The following ANXA6 variants were observed in gnomAD, a reference collection of about 807,000 sequenced individuals.
ANXA6 encodes annexin A6, also known as 67 kDa calelectrin.
ANXA6 carries 71 observed loss-of-function variants against 95.4 expected under a neutral mutation model. That is an observed-to-expected ratio of 0.74 (90% CI 0.61 to 0.91). The LOEUF is 0.91. Among genes scored for constraint, ANXA6 ranks in the 40% least tolerant of loss-of-function variants. ANXA6 has a pLI of 0.00. For synonymous variants in ANXA6, 289 were observed against 315.9 expected, an observed-to-expected ratio of 0.91 and a Z score of 0.90; for missense variants, 830 against 876.4, an observed-to-expected ratio of 0.95 and a Z score of 0.67.
At chr5:151,110,048 C>G (rs2303020) in intron 21 of ANXA6, among the ~76,000 whole-genome samples, 74,014 of 152,014 alleles carry the variant, frequency 0.49, 18,105 homozygotes, top group East Asian at 0.59. Flanking sequence ...CACAAGGACC[C>G]TGTGAACTGA....
intron 4 of ANXA6, 68 bp from the exon 5 acceptor site, chr5:151,138,859 C>T: frequency 9.1e-7 from 1 of 1,095,796 alleles, no homozygotes; most frequent in South Asian, 1.3e-5. Context: ...GTAAGAATTA[C>T]ACTTAATGAG....
intron 11 of ANXA6, among the ~76,000 whole-genome samples, chr5:151,130,491 G>A (rs954139488): frequency 2.4e-4 from 37 of 152,224 alleles, no homozygotes; most frequent in Non-Finnish European, 2.9e-4. Context: ...TGGGCCTCAA[G>A]TGATCCTCCC....
chr5:151,153,061 T>G (rs542839233), intron 1 of ANXA6, among the ~76,000 whole-genome samples: 31 of 152,272 alleles, frequency 2.0e-4, no homozygotes, highest in African/African-American at 7.0e-4. Context: ...AGCACTCCTC[T>G]GCTCACAAGT....
intron 20 of ANXA6, among the ~76,000 whole-genome samples, chr5:151,116,289 C>T (rs1561569362): frequency 6.6e-6 from 1 of 152,126 alleles, no homozygotes; most frequent in East Asian, 1.9e-4. Context: ...TGTCTGTGCC[C>T]CACATCCCTG....
At chr5:151,141,560 T>C (rs1039211506) in intron 2 of ANXA6, 1 of 985,266 alleles carries the variant, frequency 1.0e-6, no homozygotes, top group African/African-American at 1.7e-5. Context: ...TGGAGCAGAG[T>C]GAGTCCTGGA....
intron 2 of ANXA6, among the ~76,000 whole-genome samples, chr5:151,143,224 C>T (rs1278939562): frequency 6.6e-6 from 1 of 152,118 alleles, no homozygotes; most frequent in East Asian, 1.9e-4. Flanking sequence ...TCTCTCCCTT[C>T]CCCTCAGATT....
At chr5:151,110,943 G>A (rs893336183) in intron 20 of ANXA6, among the ~76,000 whole-genome samples, 8 of 152,124 alleles carry the variant, frequency 5.3e-5, no homozygotes, top group Non-Finnish European at 1.0e-4. Context: ...TCTGCCCTTC[G>A]CACCCCAAAA....
In ANXA6 at chr5:151,127,059, A is replaced by C. The variant is rs541226345; in HGVS notation, c.978-579T>G. Among the ~76,000 whole-genome samples, 13 of 152,324 alleles carry C rather than the reference A, an allele frequency of 8.5e-5. No homozygotes were observed. The South Asian group carries it at 1.7e-3, about 19-fold the overall frequency. ...GGCAGCCTTCCTGGCTGCAGAGTCCAAGCAGGATAGGATTTTTCCAATCCT... is the reference window on the plus strand; with the variant it reads ...GGCAGCCTTCCTGGCTGCAGAGTCCCAGCAGGATAGGATTTTTCCAATCCT... On this transcript the variant is annotated intron_variant, in intron 13 of 25. Transcript: ENST00000354546.
At chr5:151,104,733 G>C (rs1764647089) in intron 24 of ANXA6, among the ~76,000 whole-genome samples, 1 of 152,186 alleles carries the variant, frequency 6.6e-6, no homozygotes, top group Non-Finnish European at 1.5e-5. Flanking sequence ...GGCTCTCCCA[G>C]AAGGGCAGGA....
In ANXA6 at chr5:151,124,305, C is replaced by T. The variant is rs541923572; in HGVS notation, c.1119G>A (p.Arg373=). Residue 373 remains arginine (R), a synonymous_variant, in exon 15 of 26, where the codon CGG becomes CGA. Coordinates refer to ENST00000354546, the MANE Select transcript of ANXA6 (RefSeq NM_001155.5). ...FNPDADAKAL[R]KAMKGLGTDE... Reference sequence around the variant, plus strand: ...CCATACCGAGTCCCTTCATGGCTTTCCGCAGCGCTTTGGCATCTGCGTCAG... The same window carrying T: ...CCATACCGAGTCCCTTCATGGCTTTTCGCAGCGCTTTGGCATCTGCGTCAG... 6.2e-7 allele frequency: 1 copy of T among 1,613,656 alleles called. No homozygotes were observed. Among genetic ancestry groups the T allele is most frequent in the East Asian group, 2.2e-5 (1 of 44,860 alleles).
At chr5:151,151,845 C>T (rs1766115632) in intron 1 of ANXA6, among the ~76,000 whole-genome samples, 1 of 152,228 alleles carries the variant, frequency 6.6e-6, no homozygotes, top group African/African-American at 2.4e-5. Context: ...TGCCTCTTTC[C>T]TCCCAGGAAC....
At position 151,133,206 on chromosome 5, in the gene ANXA6, C is replaced by T. The variant is rs770341088; in HGVS notation, c.547-19G>A. The T allele has an allele frequency of 3.1e-5, 48 of 1,546,008 alleles. 2 individuals carry two copies. The South Asian group carries it at 4.7e-4, about 15-fold the overall frequency. Reference sequence around the variant, plus strand: ...ATAGGTCCTGAAGGGGAAGAGGTGGCACTTGACTGAAAGAGGAAACCTCAG... The same window carrying T: ...ATAGGTCCTGAAGGGGAAGAGGTGGTACTTGACTGAAAGAGGAAACCTCAG... On this transcript the variant is annotated intron_variant, in intron 8 of 25. Coordinates refer to ENST00000354546, the MANE Select transcript of ANXA6 (RefSeq NM_001155.5).
intron 21 of ANXA6, 118 bp downstream of exon 21, chr5:151,110,509 G>T: frequency 8.8e-7 from 1 of 1,139,194 alleles, no homozygotes; most frequent in Non-Finnish European, 1.3e-6. Context: ...CGGAAGGGGA[G>T]AGAGAGAAGC....
intron 9 of ANXA6, 29 bp from the exon 10 acceptor site, chr5:151,132,600 T>A (rs751645015): frequency 6.3e-7 from 1 of 1,588,890 alleles, no homozygotes; most frequent in Non-Finnish European, 8.6e-7. Context: ...CAGGGAGGTT[T>A]GAGAGTGCCT....
intron 15 of ANXA6, among the ~76,000 whole-genome samples, chr5:151,123,608 G>A (rs113620899): frequency 2.6e-4 from 39 of 152,292 alleles, no homozygotes; most frequent in African/African-American, 9.1e-4. Context: ...AGTCCCAGGC[G>A]AGCTTGGCAG....
intron 2 of ANXA6, among the ~76,000 whole-genome samples, chr5:151,144,842 C>T (rs1376797462): frequency 6.6e-6 from 1 of 152,056 alleles, no homozygotes; most frequent in Non-Finnish European, 1.5e-5. Context: ...TCCTGGGACC[C>T]CACAGGATCA....
chr5:151,115,115 A>G (rs1392983179), intron 20 of ANXA6, among the ~76,000 whole-genome samples: 1 of 152,268 alleles, frequency 6.6e-6, no homozygotes, highest in Non-Finnish European at 1.5e-5. Context: ...AACAGTATAT[A>G]GCCATTAAAT....
intron 18 of ANXA6, 73 bp downstream of exon 18, chr5:151,119,227 C>T: frequency 1.6e-6 from 2 of 1,260,660 alleles, no homozygotes; most frequent in Non-Finnish European, 2.3e-6. Flanking sequence ...CTGGGCAGAG[C>T]TGTGGGCTGG....
chr5:151,125,324 AGAGT>A (rs1455806191), intron 14 of ANXA6, among the ~76,000 whole-genome samples: 2 of 142,938 alleles, frequency 1.4e-5, no homozygotes, highest in African/African-American at 5.3e-5. Flanking sequence ...CCTGGATAAC[AGAGT>A]GAGACCCTGT....
Sources: gnomAD v4.1 joint callset for allele counts (sites outside exome capture counted in the v4.1 genomes callset) on GRCh38, gnomAD v4.1.1 for gene constraint, MANE v1.5 for transcripts, NCBI Gene and HGNC (gene_info 2026-07-23, HGNC 2026-07-21) for gene names.